The following DCUN1D1 variants were observed in gnomAD, a reference collection of about 807,000 sequenced individuals.
DCUN1D1 encodes DCN1-like protein 1.
DCUN1D1 carries 3 observed loss-of-function variants against 39.0 expected under a neutral mutation model. The observed-to-expected ratio is 0.08, with a 90% CI of 0.04 to 0.20. DCUN1D1 has a LOEUF of 0.20. Among genes scored for constraint, DCUN1D1 ranks in the 10% least tolerant of loss-of-function variants. DCUN1D1 has a pLI of 1.00. For synonymous variants in DCUN1D1, 82 were observed against 96.3 expected, an observed-to-expected ratio of 0.85 and a Z score of 0.87; for missense variants, 158 against 302.4, an observed-to-expected ratio of 0.52 and a Z score of 3.54.
chr3:182,975,787 C>G (rs1258909839), intron 1 of DCUN1D1, among the ~76,000 whole-genome samples: 2 of 149,518 alleles, frequency 1.3e-5, no homozygotes, highest in Admixed American at 6.6e-5. Context: ...GGTCCTAACC[C>G]CTGCTCTGCC....
At chr3:182,980,458 AGGGC>A (rs765118896) in intron 1 of DCUN1D1, 25 bp downstream of exon 1, 17 of 1,142,316 alleles carry the variant, frequency 1.5e-5, no homozygotes, top group Admixed American at 1.1e-4. Context: ...CCCAGCCGGC[AGGGC>A]GGGCGGGCGG....
chr3:182,952,226 T>C (rs1726791961), intron 4 of DCUN1D1, among the ~76,000 whole-genome samples: 1 of 152,252 alleles, frequency 6.6e-6, no homozygotes, highest in Admixed American at 6.5e-5. Context: ...GCTTCAATGA[T>C]AAGCACTCTA....
chr3:182,951,936 T>C (rs1316638964), intron 4 of DCUN1D1, among the ~76,000 whole-genome samples: 1 of 152,070 alleles, frequency 6.6e-6, no homozygotes, highest in Admixed American at 6.5e-5. Flanking sequence ...CCTCAGGTGA[T>C]CCGCCCACCT....
At chr3:182,981,787 C>T (rs183243730), upstream of DCUN1D1, among the ~76,000 whole-genome samples, 2 of 152,368 alleles carry the variant, frequency 1.3e-5, no homozygotes, top group Non-Finnish European at 2.9e-5. Flanking sequence ...CTGGAGCTAG[C>T]CATGTACTGG....
rs138668282 is a variant in DCUN1D1, at chr3:182,941,742, T to G, written c.*3352A>C. ...ATTTAAAACTACATAAATTAATTCT[T>G]GCTAAAAGTTGATTCAGTTTTACAA... On this transcript the variant is annotated 3_prime_UTR_variant, in exon 7 of 7. Transcript: ENST00000292782. 4.5e-4 allele frequency: 69 copies of G among 152,256 alleles called. No individual in the cohort carries two copies. Among genetic ancestry groups the G allele is most frequent in the African/African-American group, 1.6e-3 (67 of 41,576 alleles). The allele number at this position is 152,256 out of a possible 1,614,324, so 9.4% of individuals were successfully genotyped here.
chr3:182,961,191 C>A, intron 4 of DCUN1D1, 35 bp downstream of exon 4: 1 of 1,392,440 alleles, frequency 7.2e-7, no homozygotes, highest in Non-Finnish European at 9.9e-7. Flanking sequence ...TTGAATATAT[C>A]TGAAACACCA....
chr3:182,974,500 G>A (rs1227242741), intron 1 of DCUN1D1, among the ~76,000 whole-genome samples: 17 of 148,174 alleles, frequency 1.1e-4, no homozygotes, highest in African/African-American at 3.0e-4. Context: ...CACAAAAAAT[G>A]AAAAATTAAA....
intron 6 of DCUN1D1, among the ~76,000 whole-genome samples, chr3:182,946,674 A>G (rs1726423920): frequency 1.3e-5 from 2 of 152,204 alleles, no homozygotes; most frequent in South Asian, 4.1e-4. Flanking sequence ...CAAGAAGTAA[A>G]AAGGTTCCTA....
At chr3:182,955,929 CTTT>C (rs71185615) in intron 4 of DCUN1D1, 26 of 132,248 alleles carry the variant, frequency 2.0e-4, no homozygotes, top group South Asian at 4.8e-4. Flanking sequence ...GCTTATCAAA[CTTT>C]TTTTTTTTTT....
chr3:182,944,053 A>G lies in DCUN1D1; in HGVS notation c.*1041T>C, dbSNP rs1361204755. 1 of 152,610 alleles carries G rather than the reference A, an allele frequency of 6.6e-6. No individual in the cohort carries two copies. Among genetic ancestry groups the G allele is most frequent in the African/African-American group, 2.4e-5 (1 of 41,452 alleles). The allele number at this position is 152,610 out of a possible 1,614,324, so 9.5% of individuals were successfully genotyped here. A position where few individuals can be genotyped will look rare whatever the true frequency, so the allele number is the denominator to read the frequency against. On this transcript the variant is annotated 3_prime_UTR_variant, in exon 7 of 7. Transcript: ENST00000292782. ...AGCAGTACCTATATTATAAAGATTG[A>G]ACTTCATGGCTCATTACAACCATTT...
At chr3:182,960,286 A>T (rs577926799) in intron 4 of DCUN1D1, among the ~76,000 whole-genome samples, 3 of 152,360 alleles carry the variant, frequency 2.0e-5, no homozygotes, top group South Asian at 4.1e-4. Context: ...TCTCCAAAAA[A>T]AAAAATAAAA....
At chr3:182,961,136 CA>C (rs2108645565) in intron 4 of DCUN1D1, 89 bp downstream of exon 4, 1 of 967,124 alleles carries the variant, frequency 1.0e-6, no homozygotes, top group African/African-American at 1.7e-5. Flanking sequence ...ACTTTATGCT[CA>C]AAACACATAA....
At chr3:182,952,430 C>G (rs546475084) in intron 4 of DCUN1D1, among the ~76,000 whole-genome samples, 1 of 152,192 alleles carries the variant, frequency 6.6e-6, no homozygotes, top group African/African-American at 2.4e-5. Flanking sequence ...GCTCCTAAAT[C>G]TGAAACCTAT....
At chr3:182,981,541 C>T (rs971114065), upstream of DCUN1D1, among the ~76,000 whole-genome samples, 2 of 152,142 alleles carry the variant, frequency 1.3e-5, no homozygotes, top group Non-Finnish European at 2.9e-5. Context: ...AGATAAGACA[C>T]CTTCACACAG....
chr3:182,951,481 T>C (rs1054721057), intron 4 of DCUN1D1, among the ~76,000 whole-genome samples: 2 of 151,240 alleles, frequency 1.3e-5, no homozygotes, highest in African/African-American at 4.9e-5. Flanking sequence ...CCGAGCATGG[T>C]TGTACATGCC....
intron 6 of DCUN1D1, among the ~76,000 whole-genome samples, chr3:182,946,715 A>G (rs1726426398): frequency 6.6e-6 from 1 of 152,212 alleles, no homozygotes; most frequent in African/African-American, 2.4e-5. Flanking sequence ...GATAAAAATT[A>G]CTTATGCCTT....
At chr3:182,980,195 C>A in intron 1 of DCUN1D1, 1 of 444,744 alleles carries the variant, frequency 2.2e-6, no homozygotes, top group Non-Finnish European at 3.0e-6. Context: ...CGCCGGGCCC[C>A]GGCAAGGGGC....
At chr3:182,952,973 C>T (rs1372758306) in intron 4 of DCUN1D1, among the ~76,000 whole-genome samples, 1 of 152,188 alleles carries the variant, frequency 6.6e-6, no homozygotes. Context: ...TGTTAAAATT[C>T]TTCAATCATT....
chr3:182,958,628 C>T (rs139461684), intron 4 of DCUN1D1, among the ~76,000 whole-genome samples: 10 of 152,260 alleles, frequency 6.6e-5, no homozygotes, highest in Middle Eastern at 3.4e-3. Context: ...CTTCAGAATG[C>T]TCATCTTATG....
Sources: gnomAD v4.1 joint callset for allele counts (sites outside exome capture counted in the v4.1 genomes callset) on GRCh38, gnomAD v4.1.1 for gene constraint, MANE v1.5 for transcripts, NCBI Gene and HGNC (gene_info 2026-07-23, HGNC 2026-07-21) for gene names.